DNAJA1: variants seen among roughly 807,000 people sequenced by gnomAD.
The protein encoded by DNAJA1 is dnaJ homolog subfamily A member 1.
A neutral mutation model predicts 47.6 loss-of-function variants in DNAJA1; 26 were observed. The ratio of observed to expected loss-of-function variants is 0.55; its 90% CI spans 0.40 to 0.76. The LOEUF is 0.76. DNAJA1 is among the 30% of genes least tolerant of loss of function. The pLI is 0.00. For synonymous variants in DNAJA1, 165 were observed against 158.4 expected (o/e 1.04, Z -0.31); for missense variants, 315 against 485.0 (o/e 0.65, Z 3.29).
chr9:33,025,689 C>G (rs1011058300), intron 1 of DNAJA1, among the ~76,000 whole-genome samples: 1 of 125,034 alleles, frequency 8.0e-6, no homozygotes, highest in Non-Finnish European at 1.8e-5. Context: ...CGTCCGTGCT[C>G]GCTCGGGGTG....
chr9:33,030,116 G>C, intron 4 of DNAJA1, 127 bp downstream of exon 4: 4 of 897,954 alleles, frequency 4.5e-6, no homozygotes, highest in Non-Finnish European at 6.5e-6. Flanking sequence ...GATTTTGGGG[G>C]AGGAGAGGGC....
In DNAJA1 at chr9:33,034,437, C is replaced by G. The variant is rs531655833; in HGVS notation, c.758+107C>G. 4.1e-4 allele frequency: 314 copies of G among 761,568 alleles called. 2 individuals carry two copies. The highest frequency in any genetic ancestry group is 2.7e-4 in the South Asian group (16 of 59,166). The allele number at this position is 761,568 out of a possible 1,614,324, so 47.2% of individuals were successfully genotyped here. A position where few individuals can be genotyped will look rare whatever the true frequency, so the allele number is the denominator to read the frequency against. On this transcript the variant is annotated intron_variant, in intron 6 of 8. Transcript: ENST00000330899. ...AAGTGTTTTCCATTACTCTTAGAAC[C>G]TATTTCTCAGGAAGATTGTTAACCA...
rs769775792 is a variant in DNAJA1, at chr9:33,030,686, A to C, written c.643+19A>C. The C allele has an allele frequency of 2.5e-6, 4 of 1,588,290 alleles. No individual in the cohort carries two copies. ...GACAAAGGTGAGTTCTGAGTTACTT[A>C]TTCTGAAGTCTTGAATGCTGTGGCA... On this transcript the variant is annotated intron_variant, in intron 5 of 8. Transcript: ENST00000330899.
rs760914529 is a variant in DNAJA1, at chr9:33,026,632, T to C, written c.132+16T>C. On this transcript the variant is annotated intron_variant, in intron 2 of 8. Transcript: ENST00000330899. The stretch of plus-strand genomic sequence containing the variant: ...AGGAGAGAAGGTGAATAGTATCTAC[T>C]CTTAAACGTATCTGAATAGTTCTTT... 4.4e-6 allele frequency: 7 copies of C among 1,595,640 alleles called. No individual in the cohort carries two copies. The South Asian group carries it at 4.6e-5, about 10-fold the overall frequency.
In DNAJA1 at chr9:33,026,932, C is replaced by T. The variant is rs1396915057; in HGVS notation, c.252C>T (p.Pro84=). The change falls in exon 3 of 9, where the codon CCC becomes CCT. Residue 84 remains proline, a synonymous_variant. Coordinates refer to ENST00000330899, the MANE Select transcript of DNAJA1 (RefSeq NM_001539.4). Reference sequence around the variant, plus strand: ...GAGCAGGTGGCGGTTTTGGCTCCCCCATGGACATCTTTGATATGTTTTTTG... The same window carrying T: ...GAGCAGGTGGCGGTTTTGGCTCCCCTATGGACATCTTTGATATGTTTTTTG... The part of the protein sequence containing the change: ...EGGAGGGFGS[P]MDIFDMFFGG... 1.9e-6 allele frequency: 3 copies of T among 1,614,118 alleles called. No homozygotes were observed. Among genetic ancestry groups the T allele is most frequent in the Non-Finnish European group, 2.5e-6 (3 of 1,180,018 alleles).
chr9:33,033,822 CTTAA>C, intron 5 of DNAJA1, among the ~76,000 whole-genome samples: 1 of 152,150 alleles, frequency 6.6e-6, no homozygotes, highest in African/African-American at 2.4e-5. Context: ...AACTGAAATA[CTTAA>C]TTAACATTTT....
intron 5 of DNAJA1, among the ~76,000 whole-genome samples, chr9:33,032,845 G>A (rs954788938): frequency 3.3e-5 from 5 of 151,982 alleles, no homozygotes; most frequent in Non-Finnish European, 4.4e-5. Flanking sequence ...ATATGTGGGG[G>A]GCATGCGTAG....
At chr9:33,033,535 A>T (rs933675967) in intron 5 of DNAJA1, among the ~76,000 whole-genome samples, 88 of 144,792 alleles carry the variant, frequency 6.1e-4, no homozygotes, top group African/African-American at 2.0e-3. Context: ...CATCTCTATT[A>T]AAAAAAAAAA....
intron 3 of DNAJA1, among the ~76,000 whole-genome samples, chr9:33,027,774 C>A (rs770172721): frequency 1.3e-5 from 2 of 151,932 alleles, no homozygotes; most frequent in African/African-American, 2.4e-5. Flanking sequence ...CGCTTGAACC[C>A]TGGAGGCAGA....
In DNAJA1 at chr9:33,026,529, C is replaced by T; in HGVS notation, c.45C>T (p.Pro15=). ...TTYYDVLGVK[P]NATQEELKKA... ...ACTACGATGTTTTGGGGGTCAAACCCAATGCTACTCAGGAAGAATTGAAAA... is the reference window on the plus strand; with the variant it reads ...ACTACGATGTTTTGGGGGTCAAACCTAATGCTACTCAGGAAGAATTGAAAA... Residue 15 remains proline (P), a synonymous_variant, in exon 2 of 9, where the codon CCC becomes CCT. Transcript: ENST00000330899. 6.2e-7 allele frequency: 1 copy of T among 1,611,262 alleles called. No individual in the cohort carries two copies. The highest frequency in any genetic ancestry group is 8.5e-7 in the Non-Finnish European group (1 of 1,179,374).
In DNAJA1 at chr9:33,030,445, G is replaced by A; in HGVS notation, c.421G>A (p.Gly141Arg). 6.2e-7 allele frequency: 1 copy of A among 1,611,818 alleles called. No individual in the cohort carries two copies. The highest frequency in any genetic ancestry group is 8.5e-7 in the Non-Finnish European group (1 of 1,179,454). ...NVICDKCEGR[G>R]GKKGAVECCP... Reference sequence around the variant, plus strand: ...AATTTTCTTTTTAAATTTAGGTAGAGGAGGTAAGAAAGGAGCAGTAGAGTG... The same window carrying A: ...AATTTTCTTTTTAAATTTAGGTAGAAGAGGTAAGAAAGGAGCAGTAGAGTG... The change falls in exon 5 of 9, where the codon GGA (glycine) becomes AGA (arginine). Residue 141 changes from glycine to arginine, a missense_variant. Coordinates refer to ENST00000330899, the MANE Select transcript of DNAJA1 (RefSeq NM_001539.4).
At chr9:33,038,268 T>C (rs756580806) in intron 8 of DNAJA1, among the ~76,000 whole-genome samples, 3 of 152,174 alleles carry the variant, frequency 2.0e-5, no homozygotes, top group Non-Finnish European at 4.4e-5. Flanking sequence ...TGTTGGGATT[T>C]GTAATCCCAA....
intron 3 of DNAJA1, among the ~76,000 whole-genome samples, chr9:33,028,075 T>C (rs1838903222): frequency 6.6e-6 from 1 of 151,270 alleles, no homozygotes; most frequent in African/African-American, 2.4e-5. Flanking sequence ...CAATATAATT[T>C]TCCAAGCCCT....
At position 33,025,648 on chromosome 9, in the gene DNAJA1, C is replaced by T. The variant is rs545069739; in HGVS notation, c.-11+265C>T. Among the ~76,000 whole-genome samples, 6 of 152,266 alleles carry T rather than the reference C, an allele frequency of 3.9e-5. No homozygotes were observed. In the East Asian group the frequency reaches 7.8e-4, roughly 20 times the overall value. On this transcript the variant is annotated intron_variant, in intron 1 of 8. Transcript: ENST00000330899. Reference sequence around the variant, plus strand: ...CAAGGAGCTACTGTCTTCGGCTGCCCCTCCGTGCGCGCCCCCGCGGCCCCC... The same window carrying T: ...CAAGGAGCTACTGTCTTCGGCTGCCTCTCCGTGCGCGCCCCCGCGGCCCCC...
At chr9:33,026,349 G>T in intron 1 of DNAJA1, 126 bp from the exon 2 acceptor site, 1 of 919,920 alleles carries the variant, frequency 1.1e-6, no homozygotes, top group East Asian at 3.1e-5. Flanking sequence ...TTACCTTTTT[G>T]GTGAAATTTA....
In DNAJA1 at chr9:33,038,981, T is replaced by G; in HGVS notation, c.*78T>G. ...GTGAAGGACTGTAATCATAATATGC[T>G]CACTACTTGCTCTTGTTTTTGTTTT... On this transcript the variant is annotated 3_prime_UTR_variant, in exon 9 of 9. Transcript: ENST00000330899. The G allele has an allele frequency of 7.7e-7, 1 of 1,298,844 alleles. No individual in the cohort carries two copies. The highest frequency in any genetic ancestry group is 1.1e-6 in the Non-Finnish European group (1 of 927,054). The allele number at this position is 1,298,844 out of a possible 1,614,324, so 80.5% of individuals were successfully genotyped here.
At chr9:33,030,136 G>C in intron 4 of DNAJA1, 147 bp downstream of exon 4, 3 of 777,052 alleles carry the variant, frequency 3.9e-6, no homozygotes, top group Non-Finnish European at 5.9e-6. Flanking sequence ...CAGATATGAA[G>C]AAAACCAACT....
chr9:33,026,376 TATA>T (rs1161168242), intron 1 of DNAJA1, 96 bp from the exon 2 acceptor site: 7 of 1,336,284 alleles, frequency 5.2e-6, no homozygotes, highest in Non-Finnish European at 7.1e-6. Context: ...GTGGTGTTCT[TATA>T]ATCGGATTTT....
chr9:33,037,322 A>C (rs10116245), intron 8 of DNAJA1: 25,372 of 333,752 alleles, frequency 0.076, 1,433 homozygotes, highest in Middle Eastern at 0.092. Context: ...AAAAACAAAA[A>C]AAAAAAAAAA....
Sources: gnomAD v4.1 joint callset for allele counts (sites outside exome capture counted in the v4.1 genomes callset) on GRCh38, gnomAD v4.1.1 for gene constraint, MANE v1.5 for transcripts, NCBI Gene and HGNC (gene_info 2026-07-23, HGNC 2026-07-21) for gene names.